The following CENPE variants were observed in gnomAD, a reference collection of about 807,000 sequenced individuals.
CENPE encodes the protein centromere protein E.
CENPE carries 145 observed loss-of-function variants against 336.1 expected under a neutral mutation model. The ratio of observed to expected loss-of-function variants is 0.43; its 90% confidence interval spans 0.38 to 0.50. The LOEUF (loss-of-function observed/expected upper bound fraction) is 0.50. Among genes scored for constraint, CENPE ranks in the 20% least tolerant of loss-of-function variants. The probability of loss-of-function intolerance (pLI) is 0.00; values close to 1 mark genes in which losing one functional copy is unlikely to be tolerated. For missense variants in CENPE, 2,719 were observed against 3,023.3 expected (o/e 0.90, Z 2.36); for synonymous variants, 1,013 against 984.8 (o/e 1.03, Z -0.54).
At chr4:103,122,750 C>T in intron 43 of CENPE, 121 bp downstream of exon 43, 3 of 695,586 alleles carry the variant, frequency 4.3e-6, no homozygotes, top group Middle Eastern at 6.7e-4. Context: ...TAGTAAAAAT[C>T]AAGCCCATCA....
intron 44 of CENPE, among the ~76,000 whole-genome samples, chr4:103,119,447 A>G (rs1009278796): frequency 6.6e-6 from 1 of 152,244 alleles, no homozygotes; most frequent in Non-Finnish European, 1.5e-5. Flanking sequence ...TTGAAAAAAC[A>G]AATTTAATTT....
intron 2 of CENPE, 84 bp from the exon 3 acceptor site, chr4:103,196,336 C>T: frequency 2.0e-6 from 2 of 1,020,134 alleles, no homozygotes; most frequent in Non-Finnish European, 3.0e-6. Flanking sequence ...GTAATTATTC[C>T]CAAAAGTAAA....
intron 47 of CENPE, among the ~76,000 whole-genome samples, chr4:103,109,554 G>T (rs1276488128): frequency 1.3e-5 from 2 of 152,134 alleles, no homozygotes; most frequent in African/African-American, 2.4e-5. Context: ...CATTTATCCA[G>T]TTCCTCCGGA....
At chr4:103,131,250 A>C (rs1338934798) in intron 42 of CENPE, among the ~76,000 whole-genome samples, 3 of 152,208 alleles carry the variant, frequency 2.0e-5, no homozygotes, top group Non-Finnish European at 4.4e-5. Flanking sequence ...AACAATGAGA[A>C]AACAAATAAC....
chr4:103,140,270 C>G lies in CENPE; in HGVS notation c.5899G>C (p.Glu1967Gln), dbSNP rs1296694284. 2 of 1,590,348 alleles carry G rather than the reference C, an allele frequency of 1.3e-6. No individual in the cohort carries two copies. Among genetic ancestry groups the G allele is most frequent in the Admixed American group, 3.7e-5 (2 of 54,582 alleles). The change falls in exon 37 of 49, where the codon GAA becomes CAA. Residue 1967 changes from glutamate to glutamine, a missense_variant. Physicochemically the swap from Glu to Gln is conservative, Grantham distance 29. Coordinates refer to ENST00000265148, the MANE Select transcript of CENPE (RefSeq NM_001813.3). ...IQKDLDKSKD[E>Q]LQKKIQELQK... Reference sequence around the variant, plus strand: ...ACAACACATACCTTTTTCTGTAATTCATCTTTTGATTTATCTAAATCCTTT... The same window carrying G: ...ACAACACATACCTTTTTCTGTAATTGATCTTTTGATTTATCTAAATCCTTT...
In CENPE at chr4:103,163,530, C is replaced by G; in HGVS notation, c.1671G>C (p.Ser557=). 10 of 1,583,992 alleles carry G rather than the reference C, an allele frequency of 6.3e-6. No homozygotes were observed. Among genetic ancestry groups the G allele is most frequent in the Non-Finnish European group, 8.6e-6 (10 of 1,167,572 alleles). ...CATGCTTAACTAAATTCTTTAAGTT[C>G]GAAATTTCATGAATTAGTTGCATCT... is the stretch of plus-strand genomic sequence containing the variant. ...DQEMQLIHEI[S]NLKNLVKHAE... The change falls in exon 17 of 49, where the codon TCG becomes TCC. Residue 557 remains serine (S), a synonymous_variant. Transcript: ENST00000265148.
At chr4:103,180,569 C>A in intron 12 of CENPE, 100 bp from the exon 13 acceptor site, 1 of 717,512 alleles carries the variant, frequency 1.4e-6, no homozygotes, top group East Asian at 2.9e-5. Flanking sequence ...TGTATATGAA[C>A]TATAAGAATT....
At position 103,158,720 on chromosome 4, in the gene CENPE, T is replaced by C; in HGVS notation, c.2768A>G (p.Glu923Gly). The change falls in exon 23 of 49, where the codon GAA (glutamate) becomes GGA (glycine). Residue 923 changes from glutamate to glycine, a missense_variant. Glu to Gly is a moderately conservative substitution (Grantham distance 98). Around this residue, in one of 5 missense-constraint regions of CENPE, gnomAD observed 2,437 missense variants for 2,513.3 expected, o/e 0.97. Coordinates refer to ENST00000265148, the MANE Select transcript of CENPE (RefSeq NM_001813.3). ...TTTTTCTTGAGTTAAAGTTTTTACTTCTTCTAAAGTTTGCTGCAGTTTCTC... is the reference window on the plus strand; with the variant it reads ...TTTTTCTTGAGTTAAAGTTTTTACTCCTTCTAAAGTTTGCTGCAGTTTCTC... ...ITEKLQQTLE[E>G]VKTLTQEKDD... 6.2e-7 allele frequency: 1 copy of C among 1,613,108 alleles called. No homozygotes were observed. Among genetic ancestry groups the C allele is most frequent in the Non-Finnish European group, 8.5e-7 (1 of 1,179,452 alleles).
chr4:103,185,969 G>C (rs1217167131), intron 8 of CENPE, 108 bp from the exon 9 acceptor site: 1 of 652,168 alleles, frequency 1.5e-6, no homozygotes, highest in East Asian at 2.8e-5. Flanking sequence ...TATTCGATCT[G>C]TATCCATGTC....
intron 14 of CENPE, among the ~76,000 whole-genome samples, chr4:103,176,310 A>C (rs1192841139): frequency 6.6e-6 from 1 of 152,182 alleles, no homozygotes; most frequent in South Asian, 2.1e-4. Context: ...CAAATTCTGA[A>C]TTTGAGATTT....
chr4:103,111,080 C>T (rs1336588023), intron 46 of CENPE, 69 bp from the exon 47 acceptor site: 3 of 1,164,622 alleles, frequency 2.6e-6, no homozygotes, highest in South Asian at 1.6e-5. Flanking sequence ...AAAGGAAATA[C>T]TACCAAGTAC....
chr4:103,189,209 G>A (rs1333473204), intron 8 of CENPE, among the ~76,000 whole-genome samples: 1 of 152,116 alleles, frequency 6.6e-6, no homozygotes, highest in Non-Finnish European at 1.5e-5. Flanking sequence ...TTCTACCAGA[G>A]GTACTAGGAG....
chr4:103,147,346 C>T lies in CENPE; in HGVS notation c.4134+10G>A, dbSNP rs551486783. On this transcript the variant is annotated intron_variant, in intron 29 of 48. Coordinates refer to ENST00000265148, the MANE Select transcript of CENPE (RefSeq NM_001813.3). ...CACTTGTTAAAATGGGAGGAAAATA[C>T]GAAACTTACTTTAGCCAAAGTTTCT... 4.7e-5 allele frequency: 75 copies of T among 1,584,632 alleles called. No individual in the cohort carries two copies. Among genetic ancestry groups the T allele is most frequent in the East Asian group, 3.4e-4 (15 of 44,718 alleles).
intron 38 of CENPE, 30 bp from the exon 39 acceptor site, chr4:103,138,479 C>T: frequency 6.9e-7 from 1 of 1,453,530 alleles, no homozygotes; most frequent in Non-Finnish European, 9.7e-7. Flanking sequence ...ATAAACAGGG[C>T]TTTTGTCATG....
Position 103,108,992 on chromosome 4 carries a change from A to G in CENPE, c.7822T>C (p.Ser2608Pro). 1 of 1,613,670 alleles carries G rather than the reference A, an allele frequency of 6.2e-7. No homozygotes were observed. Among genetic ancestry groups the G allele is most frequent in the Non-Finnish European group, 8.5e-7 (1 of 1,179,748 alleles). ...KQVTCENSPK[S>P]PKVTGTASKK... is the part of the protein sequence containing the mutation. ...GAAGCTGTTCCAGTCACTTTAGGAG[A>G]CTTTGGAGAATTCTCACAAGTTACT... The change falls in exon 48 of 49, where the codon TCT becomes CCT. Residue 2608 changes from serine to proline, a missense_variant. Coordinates refer to ENST00000265148, the MANE Select transcript of CENPE (RefSeq NM_001813.3).
chr4:103,193,275 T>A (rs1340244984), intron 8 of CENPE, among the ~76,000 whole-genome samples: 3 of 152,104 alleles, frequency 2.0e-5, no homozygotes, highest in Non-Finnish European at 4.4e-5. Flanking sequence ...CTAAAGAGGT[T>A]AGGGTTTGGT....
At chr4:103,132,634 G>T in intron 42 of CENPE, 59 bp downstream of exon 42, 1 of 811,050 alleles carries the variant, frequency 1.2e-6, no homozygotes, top group Non-Finnish European at 1.9e-6. Context: ...TTAAGAATGA[G>T]GTAGGACAAT....
At chr4:103,123,591 G>A (rs978679856) in intron 42 of CENPE, among the ~76,000 whole-genome samples, 3 of 152,248 alleles carry the variant, frequency 2.0e-5, no homozygotes. Context: ...TCTTTTATCC[G>A]TGGAATTGTG....
At chr4:103,146,377 G>A (rs1381384636) in intron 29 of CENPE, among the ~76,000 whole-genome samples, 3 of 152,190 alleles carry the variant, frequency 2.0e-5, no homozygotes, top group Admixed American at 6.5e-5. Context: ...ATACTTCAAG[G>A]ACAAAGATAG....
Sources: allele counts gnomAD v4.1 joint callset (sites outside exome capture counted in the v4.1 genomes callset), GRCh38; gene constraint gnomAD v4.1.1; regional missense constraint gnomAD v4.1.1; transcripts MANE v1.5; gene names NCBI Gene and HGNC (gene_info 2026-07-23, HGNC 2026-07-21).